Variants in ABCA3 observed in about 807,000 individuals in gnomAD.
ABCA3 encodes ATP binding cassette subfamily A member 3, also known as phospholipid-transporting ATPase ABCA3.
Under a neutral mutation model 172.8 loss-of-function variants are expected in ABCA3, and 88 were observed. The observed-to-expected ratio is 0.51, with a 90% CI of 0.43 to 0.61. The LOEUF is 0.61. Among genes scored for constraint, ABCA3 ranks in the 20% least tolerant of loss-of-function variants. The pLI is 0.00. For missense variants in ABCA3, 2,164 were observed against 2,301.0 expected, an observed-to-expected ratio of 0.94 and a Z score of 1.22; for synonymous variants, 1,066 against 983.8, an observed-to-expected ratio of 1.08 and a Z score of -1.56.
intron 11 of ABCA3, among the ~76,000 whole-genome samples, chr16:2,307,263 C>A (rs189072299): frequency 6.6e-6 from 1 of 151,914 alleles, no homozygotes; most frequent in Non-Finnish European, 1.5e-5. Flanking sequence ...GATGAAAAGT[C>A]CTCGAAACCC....
chr16:2,307,016 C>CAAAAA (rs201661615), intron 11 of ABCA3, among the ~76,000 whole-genome samples: 598 of 62,766 alleles, frequency 9.5e-3, no homozygotes, highest in African/African-American at 0.012. Flanking sequence ...GACTCCGTCT[C>CAAAAA]AAAAAAAAAA....
chr16:2,332,672 C>A (rs1015059467), intron 1 of ABCA3: 1 of 1,600,824 alleles, frequency 6.2e-7, no homozygotes, highest in Non-Finnish European at 8.5e-7. Flanking sequence ...AGACCATTGC[C>A]GCGTTTGCAG....
chr16:2,327,319 C>A (rs1235266505), intron 3 of ABCA3, among the ~76,000 whole-genome samples: 3 of 152,022 alleles, frequency 2.0e-5, no homozygotes, highest in Non-Finnish European at 4.4e-5. Context: ...CCAGCTTCAT[C>A]CTTGTAGTGC....
chr16:2,289,193 A>G, intron 20 of ABCA3: 1 of 577,996 alleles, frequency 1.7e-6, no homozygotes, highest in Non-Finnish European at 3.1e-6. Context: ...GCACCCGACA[A>G]GCTCCTGTTG....
chr16:2,288,394 C>T (rs964911375), intron 20 of ABCA3, 65 bp from the exon 21 acceptor site: 2 of 1,508,630 alleles, frequency 1.3e-6, no homozygotes, highest in African/African-American at 1.4e-5. Context: ...CCCCCACCCA[C>T]CTGCGGCAGG....
chr16:2,329,909 C>T (rs1354309250), intron 1 of ABCA3, 55 bp from the exon 2 acceptor site: 2 of 152,156 alleles, frequency 1.3e-5, no homozygotes, highest in African/African-American at 4.8e-5. Flanking sequence ...TATAAAACAC[C>T]TCTTACCAAG....
At chr16:2,311,337 A>C (rs1214564387) in intron 10 of ABCA3, among the ~76,000 whole-genome samples, 1 of 152,160 alleles carries the variant, frequency 6.6e-6, no homozygotes, top group African/African-American at 2.4e-5. Flanking sequence ...ACAGATATAT[A>C]GTTGGAAAAG....
intron 8 of ABCA3, 136 bp from the exon 9 acceptor site, chr16:2,317,900 C>CTG: frequency 2.6e-6 from 2 of 762,842 alleles, no homozygotes; most frequent in Non-Finnish European, 4.4e-6. Context: ...CTATGTCGGC[C>CTG]AGGCTCATCT....
At chr16:2,289,405 G>GGGCCC in intron 20 of ABCA3, 29 bp downstream of exon 20, 1 of 994,936 alleles carries the variant, frequency 1.0e-6, no homozygotes, top group African/African-American at 1.6e-5. Context: ...CCCTTCCCCC[G>GGGCCC]CCACCCGCCC....
intron 8 of ABCA3, among the ~76,000 whole-genome samples, chr16:2,317,971 T>C (rs1403149202): frequency 6.6e-6 from 1 of 152,214 alleles, no homozygotes; most frequent in African/African-American, 2.4e-5. Flanking sequence ...GCTGGAATTA[T>C]AGGCATAAGC....
At position 2,284,850 on chromosome 16, in the gene ABCA3, G is replaced by T; in HGVS notation, c.3632C>A (p.Thr1211Lys). The change falls in exon 24 of 33, where the codon ACG (threonine) becomes AAG (lysine). Residue 1211 changes from threonine to lysine, a missense_variant. Coordinates refer to ENST00000301732, the MANE Select transcript of ABCA3 (RefSeq NM_001089.3). This position sits in a 1 kb window ranked among gnomAD's most constrained non-coding sequence, Gnocchi z 5.9. ...CAGGATGTTGAAGATGGTCAGCCTCGTGTAGGCAGTGGCCGCCCCCAAGAA... is the reference window on the plus strand; with the variant it reads ...CAGGATGTTGAAGATGGTCAGCCTCTTGTAGGCAGTGGCCGCCCCCAAGAA... Reference protein sequence around the residue: ...FFFLGAATAYTRLTIFNILSG... With the variant: ...FFFLGAATAYKRLTIFNILSG... 1 of 1,613,976 alleles carries T rather than the reference G, an allele frequency of 6.2e-7. No homozygotes were observed. The highest frequency in any genetic ancestry group is 8.5e-7 in the Non-Finnish European group (1 of 1,179,978).
At position 2,308,603 on chromosome 16, in the gene ABCA3, C is replaced by T. The variant is rs781600479; in HGVS notation, c.1132G>A (p.Gly378Arg). 9.3e-6 allele frequency: 15 copies of T among 1,613,920 alleles called. No homozygotes were observed. The highest frequency in any genetic ancestry group is 1.7e-5 in the Admixed American group (1 of 59,998). The change falls in exon 11 of 33, where the codon GGA (glycine) becomes AGA (arginine). Residue 378 changes from glycine to arginine, a missense_variant. Gly to Arg is a moderately radical substitution (Grantham distance 125, BLOSUM62 -2). Around this residue, in one of 3 missense-constraint regions of ABCA3, gnomAD observed 1,343 missense variants for 1,369.6 expected, o/e 0.98. Coordinates refer to ENST00000301732, the MANE Select transcript of ABCA3 (RefSeq NM_001089.3). Reference protein sequence around the residue: ...FSKANMAAAFGGFLYFFTYIP... With the variant: ...FSKANMAAAFRGFLYFFTYIP... ...TAGGTGAAGAAGTAGAGGAAGCCTC[C>T]GAAGGCTGCTGCCATGTTGGCTGCA... is the stretch of plus-strand genomic sequence containing the variant.
At chr16:2,310,212 T>G (rs563036055) in intron 10 of ABCA3, among the ~76,000 whole-genome samples, 4 of 151,978 alleles carry the variant, frequency 2.6e-5, no homozygotes, top group Admixed American at 6.6e-5. Flanking sequence ...AAGACCATCA[T>G]GGCCAACATG....
chr16:2,304,043 G>A lies in ABCA3; in HGVS notation c.1393C>T (p.Leu465=). The A allele has an allele frequency of 6.2e-7, 1 of 1,614,198 alleles. No individual in the cohort carries two copies. The highest frequency in any genetic ancestry group is 8.5e-7 in the Non-Finnish European group (1 of 1,180,028). Residue 465 remains leucine (L), a synonymous_variant, in exon 12 of 33, where the codon CTG becomes TTG. Transcript: ENST00000301732. ...ACGGCCTCCATGTACCAGGTCACCAGGCCATAGAGCACAGAGTCCAGCAGC... is the reference window on the plus strand; with the variant it reads ...ACGGCCTCCATGTACCAGGTCACCAAGCCATAGAGCACAGAGTCCAGCAGC... ...MLLLDSVLYG[L]VTWYMEAVFP...
intron 11 of ABCA3, among the ~76,000 whole-genome samples, chr16:2,305,867 G>A (rs182896341): frequency 5.3e-5 from 8 of 152,012 alleles, no homozygotes; most frequent in South Asian, 2.1e-4. Flanking sequence ...TTTCAAACAC[G>A]TGTAAAGCTC....
intron 14 of ABCA3, 25 bp downstream of exon 14, chr16:2,299,378 G>A (rs2093685276): frequency 1.2e-6 from 2 of 1,612,490 alleles, no homozygotes; most frequent in Non-Finnish European, 1.7e-6. Context: ...GCTGGTGGCA[G>A]GGGCGTGAGG....
intron 1 of ABCA3, chr16:2,332,605 T>C (rs1415668226): frequency 1.3e-6 from 2 of 1,542,900 alleles, no homozygotes; most frequent in African/African-American, 1.4e-5. Context: ...CTCCAGCAGC[T>C]TGTACTGTAG....
rs146161376 is a variant in ABCA3 at position 2,319,701 on chromosome 16, G to C, written c.753C>G (p.Ile251Met). The C allele has an allele frequency of 6.2e-7, 1 of 1,614,004 alleles. No homozygotes were observed. The highest frequency in any genetic ancestry group is 1.7e-5 in the Admixed American group (1 of 60,004). The change falls in exon 8 of 33, where the codon ATC (isoleucine) becomes ATG (methionine). Residue 251 changes from isoleucine to methionine, a missense_variant. Ile to Met is a conservative substitution (Grantham distance 10). Coordinates refer to ENST00000301732, the MANE Select transcript of ABCA3 (RefSeq NM_001089.3). ...TIKRFPYPPF[I>M]ADPFLVAIQY... ...GGATGGCCACGAGGAAGGGGTCTGC[G>C]ATGAACGGCGGGTACGGGAACCTCT...
At chr16:2,326,593 A>G in intron 3 of ABCA3, 101 bp from the exon 4 acceptor site, 1 of 1,298,794 alleles carries the variant, frequency 7.7e-7, no homozygotes, top group Non-Finnish European at 1.1e-6. Context: ...CATGTCTCTC[A>G]CCTTCTTTTG....
Sources: allele counts gnomAD v4.1 joint callset (sites outside exome capture counted in the v4.1 genomes callset), GRCh38; gene constraint gnomAD v4.1.1; regional missense constraint gnomAD v4.1.1; non-coding constraint Gnocchi (gnomAD v3.1); transcripts MANE v1.5; gene names NCBI Gene and HGNC (gene_info 2026-07-23, HGNC 2026-07-21).